Variants in ERGIC2 observed in about 807,000 individuals in gnomAD.
ERGIC2 encodes the protein endoplasmic reticulum-Golgi intermediate compartment protein 2.
Under a neutral mutation model 52.5 loss-of-function variants are expected in ERGIC2, and 31 were observed. The ratio of observed to expected loss-of-function variants is 0.59; its 90% confidence interval spans 0.44 to 0.80. The LOEUF (loss-of-function observed/expected upper bound fraction) is 0.80. ERGIC2 is among the 30% of genes least tolerant of loss of function. The probability of loss-of-function intolerance (pLI) is 0.00; values close to 1 mark genes in which losing one functional copy is unlikely to be tolerated. For missense variants in ERGIC2, 395 were observed against 455.2 expected (o/e 0.87, Z 1.20); for synonymous variants, 129 against 140.6 (o/e 0.92, Z 0.58).
chr12:29,364,709 A>C (rs1940334302), intron 5 of ERGIC2, among the ~76,000 whole-genome samples: 1 of 152,126 alleles, frequency 6.6e-6, no homozygotes, highest in African/African-American at 2.4e-5. Flanking sequence ...CAAACTATGC[A>C]TCTGATAAAG....
intron 10 of ERGIC2, among the ~76,000 whole-genome samples, chr12:29,346,277 T>C (rs12304675): frequency 0.048 from 7,265 of 151,302 alleles, 489 homozygotes; most frequent in African/African-American, 0.15. Context: ...CAGCCTTGAC[T>C]TCCTGGGCTC....
At chr12:29,351,143 T>A (rs1217509506) in intron 8 of ERGIC2, among the ~76,000 whole-genome samples, 1 of 152,000 alleles carries the variant, frequency 6.6e-6, no homozygotes, top group Non-Finnish European at 1.5e-5. Flanking sequence ...AGTTTTTATA[T>A]CTGACAAAAA....
intron 1 of ERGIC2, among the ~76,000 whole-genome samples, chr12:29,377,861 T>TCTC (rs1168635488): frequency 2.0e-5 from 3 of 152,318 alleles, no homozygotes; most frequent in Non-Finnish European, 4.4e-5. Flanking sequence ...TAAGTTTAAT[T>TCTC]CTCCAAAGAA....
At chr12:29,369,965 C>T in intron 3 of ERGIC2, 149 bp downstream of exon 3, 1 of 578,960 alleles carries the variant, frequency 1.7e-6, no homozygotes, top group Non-Finnish European at 2.5e-6. Flanking sequence ...TCACTTAATG[C>T]ATGCAATTAA....
chr12:29,373,423 AGAAATAATGTCTCT>A (rs1263603007), intron 1 of ERGIC2, among the ~76,000 whole-genome samples: 1 of 152,196 alleles, frequency 6.6e-6, no homozygotes, highest in Non-Finnish European at 1.5e-5. Context: ...TCACTATAAG[AGAAATAATGTCTCT>A]GGAAGAGAGC....
chr12:29,371,499 C>T (rs77824830), intron 2 of ERGIC2, 29 bp downstream of exon 2: 33,052 of 1,432,186 alleles, frequency 0.023, 545 homozygotes, highest in Non-Finnish European at 0.028. Context: ...GTACTTACTA[C>T]AGAACTTTTA....
intron 1 of ERGIC2, among the ~76,000 whole-genome samples, chr12:29,374,553 T>C (rs1331720719): frequency 1.3e-5 from 2 of 152,196 alleles, no homozygotes; most frequent in Non-Finnish European, 2.9e-5. Context: ...ACCTTTTCAT[T>C]TGGACATTCC....
rs948187394 is a variant in ERGIC2 at position 29,337,512 on chromosome 12, A to G, written c.*3644T>C. On this transcript the variant is annotated 3_prime_UTR_variant, in exon 14 of 14. Transcript: ENST00000360150. ...ATATTTCAGAAAGTAGAAAAAAACT[A>G]TGCTTTGATTGCATCATCACAATAT... 1 of 152,178 alleles carries G rather than the reference A, an allele frequency of 6.6e-6. No homozygotes were observed. The highest frequency in any genetic ancestry group is 1.5e-5 in the Non-Finnish European group (1 of 68,036). The allele number at this position is 152,178 out of a possible 1,614,324, so 9.4% of individuals were successfully genotyped here. A position where few individuals can be genotyped will look rare whatever the true frequency, so the allele number is the denominator to read the frequency against.
At chr12:29,345,321 C>T in intron 11 of ERGIC2, 122 bp downstream of exon 11, 1 of 643,184 alleles carries the variant, frequency 1.6e-6, no homozygotes, top group Non-Finnish European at 2.8e-6. Flanking sequence ...TTCAAAACTT[C>T]CACAGATTTT....
In ERGIC2 at chr12:29,339,911, C is replaced by T. The variant is rs1949824937; in HGVS notation, c.*1245G>A. ...AAACTTTGAGGATTGGCTGCTGATT[C>T]TTCTACTGCCATTCAGTACTACAAA... On this transcript the variant is annotated 3_prime_UTR_variant, in exon 14 of 14. Transcript: ENST00000360150. 1 of 152,074 alleles carries T rather than the reference C, an allele frequency of 6.6e-6. No individual in the cohort carries two copies. Among genetic ancestry groups the T allele is most frequent in the South Asian group, 2.1e-4 (1 of 4,828 alleles). 9.4% of individuals were successfully genotyped at this position (152,074 alleles called of 1,614,324 possible). A position where few individuals can be genotyped will look rare whatever the true frequency, so the allele number is the denominator to read the frequency against.
intron 1 of ERGIC2, among the ~76,000 whole-genome samples, chr12:29,378,438 G>C (rs1234098570): frequency 6.6e-6 from 1 of 152,068 alleles, no homozygotes; most frequent in Non-Finnish European, 1.5e-5. Context: ...AACTAATACA[G>C]GCAATATAAT....
intron 8 of ERGIC2, among the ~76,000 whole-genome samples, chr12:29,353,316 T>C (rs968855955): frequency 6.6e-6 from 1 of 152,204 alleles, no homozygotes; most frequent in South Asian, 2.1e-4. Context: ...CTGTCATAAA[T>C]TATTACTAGC....
chr12:29,361,415 T>C (rs371248928), intron 6 of ERGIC2, among the ~76,000 whole-genome samples: 3 of 152,228 alleles, frequency 2.0e-5, no homozygotes, highest in East Asian at 1.9e-4. Context: ...TGATACCATT[T>C]TAAATAAAAA....
Position 29,371,622 on chromosome 12 carries a change from C to T in ERGIC2, c.12G>A (p.Leu4=), listed in dbSNP as rs745796802. ...CCAAACTTAAAGTTTTTTTCCGATT[C>T]AGTCGCCTCATCTTCAGGAAAACCT... MRR[L]NRKKTLSLVK... Residue 4 remains leucine, a synonymous_variant, in exon 2 of 14, where the codon CTG becomes CTA. Transcript: ENST00000360150. 6.2e-7 allele frequency: 1 copy of T among 1,612,870 alleles called. No individual in the cohort carries two copies. The highest frequency in any genetic ancestry group is 1.1e-5 in the South Asian group (1 of 90,962).
chr12:29,371,747 A>G, intron 1 of ERGIC2, 77 bp from the exon 2 acceptor site: 1 of 666,192 alleles, frequency 1.5e-6, no homozygotes. Context: ...AGGATAACTG[A>G]CAAATGTCCT....
At chr12:29,362,015 C>CACA (rs974648053) in intron 5 of ERGIC2, among the ~76,000 whole-genome samples, 2 of 152,122 alleles carry the variant, frequency 1.3e-5, no homozygotes, top group African/African-American at 2.4e-5. Flanking sequence ...GCATGAAATT[C>CACA]ACAAGTATTA....
chr12:29,342,714 T>G (rs924279796), intron 12 of ERGIC2, among the ~76,000 whole-genome samples: 1 of 152,218 alleles, frequency 6.6e-6, no homozygotes, highest in Non-Finnish European at 1.5e-5. Context: ...AAAAATGTCT[T>G]AAATGCCTTC....
intron 1 of ERGIC2, among the ~76,000 whole-genome samples, chr12:29,372,111 G>A (rs1011198856): frequency 3.3e-5 from 5 of 152,140 alleles, no homozygotes; most frequent in East Asian, 1.9e-4. Context: ...AGGCCGAGGC[G>A]GGTGGATCAT....
intron 8 of ERGIC2, among the ~76,000 whole-genome samples, chr12:29,355,387 T>C (rs1045525455): frequency 6.6e-5 from 10 of 152,210 alleles, no homozygotes; most frequent in Non-Finnish European, 1.5e-4. Flanking sequence ...AAAAACCCTT[T>C]ATTTTTTTCT....
Sources: allele counts gnomAD v4.1 joint callset (sites outside exome capture counted in the v4.1 genomes callset), GRCh38; gene constraint gnomAD v4.1.1; transcripts MANE v1.5; gene names NCBI Gene and HGNC (gene_info 2026-07-23, HGNC 2026-07-21).